Variants in CDIN1 observed in about 807,000 individuals in gnomAD.
CDIN1 encodes CDAN1-interacting nuclease 1.
In CDIN1, 33 loss-of-function variants were observed where a neutral mutation model predicts 45.3. That is an observed-to-expected ratio of 0.73 (90% CI 0.55 to 0.97). The LOEUF (loss-of-function observed/expected upper bound fraction) is 0.97, where lower values mean the gene tolerates loss of function less well. Among genes scored for constraint, CDIN1 ranks in the 50% least tolerant of loss-of-function variants. The pLI is 0.00. For synonymous variants in CDIN1, 118 were observed against 124.4 expected (o/e 0.95, Z 0.34); for missense variants, 303 against 339.4 (o/e 0.89, Z 0.84).
chr15:36,745,893 G>A (rs1038578667), intron 10 of CDIN1, among the ~76,000 whole-genome samples: 6 of 151,850 alleles, frequency 4.0e-5, no homozygotes, highest in Non-Finnish European at 5.9e-5. Flanking sequence ...TTGAACCCAG[G>A]AGTTAGAGGT....
chr15:36,593,562 GTTATTA>G (rs1238047224), intron 1 of CDIN1, among the ~76,000 whole-genome samples: 3 of 152,078 alleles, frequency 2.0e-5, no homozygotes, highest in Non-Finnish European at 4.4e-5. Flanking sequence ...TTATTTTGTT[GTTATTA>G]TTATTGTTAT....
At chr15:36,758,118 C>A (rs2053658721) in intron 10 of CDIN1, among the ~76,000 whole-genome samples, 1 of 151,964 alleles carries the variant, frequency 6.6e-6, no homozygotes, top group African/African-American at 2.4e-5. Flanking sequence ...CCACTGGGTA[C>A]AAGTGGGCTA....
chr15:36,650,592 G>A (rs1478760176), intron 3 of CDIN1, among the ~76,000 whole-genome samples: 3 of 151,714 alleles, frequency 2.0e-5, no homozygotes, highest in Admixed American at 6.6e-5. Flanking sequence ...ACAGGCACGC[G>A]CCACCATGCT....
chr15:36,793,734 G>A (rs2054709216), intron 10 of CDIN1, among the ~76,000 whole-genome samples: 2 of 151,978 alleles, frequency 1.3e-5, no homozygotes, highest in South Asian at 4.1e-4. Flanking sequence ...GATAAAAAGC[G>A]GCTTCATTAA....
chr15:36,657,403 A>G (rs1055525825), intron 4 of CDIN1, among the ~76,000 whole-genome samples: 3 of 152,086 alleles, frequency 2.0e-5, no homozygotes, highest in African/African-American at 7.2e-5. Flanking sequence ...GTTTTTGAAA[A>G]CTGTCACTAA....
At chr15:36,652,884 A>G (rs185551420) in intron 3 of CDIN1, among the ~76,000 whole-genome samples, 2 of 152,304 alleles carry the variant, frequency 1.3e-5, no homozygotes, top group Admixed American at 1.3e-4. Flanking sequence ...TGTCAGACAA[A>G]TACCCAGAGC....
chr15:36,606,647 C>T (rs550673829), intron 1 of CDIN1, among the ~76,000 whole-genome samples: 2 of 152,338 alleles, frequency 1.3e-5, no homozygotes, highest in African/African-American at 4.8e-5. Flanking sequence ...TTTTCTCCCA[C>T]AGCAGTTCTG....
chr15:36,614,236 C>T, intron 1 of CDIN1: 1 of 619,082 alleles, frequency 1.6e-6, no homozygotes. Flanking sequence ...GCTCCTCCCT[C>T]TGACCCTGAC....
At chr15:36,776,303 T>TG (rs2054215346) in intron 10 of CDIN1, among the ~76,000 whole-genome samples, 8 of 152,222 alleles carry the variant, frequency 5.3e-5, no homozygotes, top group Admixed American at 4.6e-4. Flanking sequence ...GGAACATACA[T>TG]GGTGGTGATA....
At chr15:36,800,889 G>A (rs2055001173) in intron 10 of CDIN1, among the ~76,000 whole-genome samples, 11 of 24,810 alleles carry the variant, frequency 4.4e-4, no homozygotes, top group South Asian at 2.5e-3. Context: ...ATGTGTGTGT[G>A]TGTGTGTGTG....
intron 10 of CDIN1, among the ~76,000 whole-genome samples, chr15:36,753,481 A>AT (rs1368080498): frequency 2.0e-5 from 3 of 152,110 alleles, no homozygotes; most frequent in African/African-American, 7.2e-5. Context: ...AGTTTGGTGA[A>AT]TTAGTATCCT....
At chr15:36,802,332 T>C (rs1450306193) in intron 10 of CDIN1, among the ~76,000 whole-genome samples, 1 of 152,176 alleles carries the variant, frequency 6.6e-6, no homozygotes, top group Non-Finnish European at 1.5e-5. Context: ...TCTTATATTA[T>C]TTTATATGTA....
chr15:36,590,307 T>C (rs1200431833), intron 1 of CDIN1, among the ~76,000 whole-genome samples: 2 of 152,232 alleles, frequency 1.3e-5, no homozygotes, highest in Admixed American at 1.3e-4. Context: ...ATTTCTTTTA[T>C]GTGTTTGAAA....
intron 10 of CDIN1, among the ~76,000 whole-genome samples, chr15:36,806,843 G>A (rs550519890): frequency 3.9e-5 from 6 of 152,246 alleles, no homozygotes; most frequent in Middle Eastern, 3.4e-3. Context: ...TGTGAGCTTC[G>A]TCTTGTATGC....
At chr15:36,749,899 A>G (rs2053412477) in intron 10 of CDIN1, among the ~76,000 whole-genome samples, 1 of 152,176 alleles carries the variant, frequency 6.6e-6, no homozygotes, top group Non-Finnish European at 1.5e-5. Context: ...CAGGGCACCA[A>G]CCAGGTCCCC....
chr15:36,606,196 C>G lies in CDIN1; in HGVS notation c.101+26235C>G, dbSNP rs114145358. 8.2e-3 allele frequency among the ~76,000 whole-genome samples: 1,245 copies of G among 152,078 alleles called. 29 individuals are homozygous for G. The highest frequency in any genetic ancestry group is 0.028 in the African/African-American group (1,158 of 41,488). On this transcript the variant is annotated intron_variant, in intron 1 of 10. Transcript: ENST00000566621. ...CATATATTTTATATATAAATATATA[C>G]ACTATGAATATGTTTCTGAGCATGG...
intron 1 of CDIN1, among the ~76,000 whole-genome samples, chr15:36,640,217 A>C (rs2040051458): frequency 6.6e-6 from 1 of 151,950 alleles, no homozygotes; most frequent in African/African-American, 2.4e-5. Flanking sequence ...CTACATTTCA[A>C]ATTTGTGTGT....
At chr15:36,701,105 G>T (rs2042616119) in intron 8 of CDIN1, among the ~76,000 whole-genome samples, 1 of 88,042 alleles carries the variant, frequency 1.1e-5, no homozygotes, top group African/African-American at 4.8e-5. Flanking sequence ...TAGGTAGATA[G>T]ATAGATAGAT....
At chr15:36,737,104 G>A (rs982976683) in intron 10 of CDIN1, among the ~76,000 whole-genome samples, 1 of 150,574 alleles carries the variant, frequency 6.6e-6, no homozygotes, top group African/African-American at 2.5e-5. Context: ...GGAGGCAGAG[G>A]TTGCAGTGAG....
Sources: gnomAD v4.1 joint callset for allele counts (sites outside exome capture counted in the v4.1 genomes callset) on GRCh38, gnomAD v4.1.1 for gene constraint, MANE v1.5 for transcripts, NCBI Gene and HGNC (gene_info 2026-07-23, HGNC 2026-07-21) for gene names.